TIAM2: variants seen among roughly 807,000 people sequenced by gnomAD.
TIAM2 encodes TIAM Rac1 associated GEF 2.
A neutral mutation model predicts 152.9 loss-of-function variants in TIAM2; 80 were observed. The ratio of observed to expected loss-of-function variants is 0.52; its 90% CI spans 0.44 to 0.63. TIAM2 has a LOEUF of 0.63. Among genes scored for constraint, TIAM2 ranks in the 30% least tolerant of loss-of-function variants. TIAM2 has a pLI of 0.00. For synonymous variants in TIAM2, 804 were observed against 838.0 expected (o/e 0.96, Z 0.70); for missense variants, 1,965 against 2,120.1 (o/e 0.93, Z 1.44).
intron 7 of TIAM2, among the ~76,000 whole-genome samples, chr6:155,153,190 C>A (rs1274074835): frequency 6.6e-6 from 1 of 152,080 alleles, no homozygotes; most frequent in African/African-American, 2.4e-5. Context: ...GGCCCTAACC[C>A]CTTCCTGTGT....
chr6:155,176,775 A>G (rs778412839), intron 9 of TIAM2, 41 bp from the exon 10 acceptor site: 4 of 1,598,144 alleles, frequency 2.5e-6, no homozygotes, highest in East Asian at 2.2e-5. Context: ...TTCATTTGTT[A>G]ATCAAATTTG....
At chr6:155,046,916 C>T (rs75034396) in intron 1 of TIAM2, among the ~76,000 whole-genome samples, 2,914 of 152,094 alleles carry the variant, frequency 0.019, 94 homozygotes, top group African/African-American at 0.067. Context: ...AGATGCAGGT[C>T]GGAATTGGAG....
intron 20 of TIAM2, among the ~76,000 whole-genome samples, 173 bp downstream of exon 20, chr6:155,248,352 AGGCGTCTG>A (rs1408359858): frequency 6.6e-6 from 1 of 152,238 alleles, no homozygotes; most frequent in Non-Finnish European, 1.5e-5. Context: ...GAAACTAGCT[AGGCGTCTG>A]GGCACTCCTT....
intron 14 of TIAM2, among the ~76,000 whole-genome samples, chr6:155,209,114 C>T (rs367769261): frequency 6.6e-6 from 1 of 151,936 alleles, no homozygotes; most frequent in Non-Finnish European, 1.5e-5. Flanking sequence ...CTGAGTGTCC[C>T]CACTCAGCAG....
chr6:155,016,770 T>C (rs1466964910), intron 1 of TIAM2, among the ~76,000 whole-genome samples: 2 of 130,610 alleles, frequency 1.5e-5, no homozygotes. Context: ...TGTGGTGATG[T>C]GTGCCTGTAA....
intron 19 of TIAM2, among the ~76,000 whole-genome samples, chr6:155,247,637 G>A (rs1292390910): frequency 1.3e-5 from 2 of 152,218 alleles, no homozygotes; most frequent in East Asian, 3.9e-4. Flanking sequence ...CACGCTTCAT[G>A]GCTTTTAATG....
chr6:155,228,402 A>G (rs1782321988), intron 15 of TIAM2, among the ~76,000 whole-genome samples: 2 of 152,196 alleles, frequency 1.3e-5, no homozygotes, highest in Non-Finnish European at 2.9e-5. Flanking sequence ...ATGAATATAT[A>G]AAAAGAAAAA....
At chr6:155,054,670 C>A (rs1182915557) in intron 1 of TIAM2, among the ~76,000 whole-genome samples, 1 of 151,836 alleles carries the variant, frequency 6.6e-6, no homozygotes, top group African/African-American at 2.4e-5. Context: ...AACCTCCCGC[C>A]CCCTGGGTTC....
intron 7 of TIAM2, among the ~76,000 whole-genome samples, chr6:155,150,838 T>C (rs1369701212): frequency 2.0e-5 from 3 of 152,122 alleles, no homozygotes; most frequent in Non-Finnish European, 2.9e-5. Context: ...TCCATCCTAT[T>C]CACGAGGGCT....
At chr6:155,223,775 C>T (rs1351299271) in intron 15 of TIAM2, among the ~76,000 whole-genome samples, 2 of 152,038 alleles carry the variant, frequency 1.3e-5, no homozygotes, top group Non-Finnish European at 2.9e-5. Flanking sequence ...TTATGCTCAG[C>T]GTAAGGGACG....
intron 10 of TIAM2, among the ~76,000 whole-genome samples, chr6:155,177,408 A>G (rs982666355): frequency 6.6e-6 from 1 of 152,334 alleles, no homozygotes; most frequent in African/African-American, 2.4e-5. Flanking sequence ...CAGTTGCTTT[A>G]TGGAGATTAA....
intron 1 of TIAM2, among the ~76,000 whole-genome samples, chr6:155,009,175 C>T (rs1778446726): frequency 6.8e-6 from 1 of 146,288 alleles, no homozygotes; most frequent in African/African-American, 2.6e-5. Flanking sequence ...AATCTTGGCT[C>T]ACTGCAGCCT....
At chr6:155,222,593 T>C in intron 15 of TIAM2, among the ~76,000 whole-genome samples, 1 of 78,420 alleles carries the variant, frequency 1.3e-5, no homozygotes, top group African/African-American at 6.6e-5. Flanking sequence ...AGAGCAAGAC[T>C]CTGTTTCAAA....
chr6:155,108,512 A>G (rs1198177448), intron 2 of TIAM2, among the ~76,000 whole-genome samples: 1 of 152,206 alleles, frequency 6.6e-6, no homozygotes, highest in African/African-American at 2.4e-5. Flanking sequence ...GAAGAACTTA[A>G]TGACTCAAAT....
At chr6:155,232,199 G>T (rs17086075) in intron 15 of TIAM2, among the ~76,000 whole-genome samples, 8,770 of 152,084 alleles carry the variant, frequency 0.058, 845 homozygotes, top group African/African-American at 0.2. Flanking sequence ...AGATCTTTCT[G>T]TAAGTTAGAC....
intron 14 of TIAM2, among the ~76,000 whole-genome samples, chr6:155,206,335 C>T (rs1014332323): frequency 1.3e-5 from 2 of 152,190 alleles, no homozygotes; most frequent in Admixed American, 1.3e-4. Flanking sequence ...GCAACCTCCA[C>T]CTCCCGGGTT....
intron 1 of TIAM2, among the ~76,000 whole-genome samples, chr6:155,036,748 G>A (rs1776931583): frequency 6.6e-6 from 1 of 151,694 alleles, no homozygotes; most frequent in Non-Finnish European, 1.5e-5. Flanking sequence ...CTCCTGAGCA[G>A]CTGGGATTAC....
chr6:155,013,375 T>C (rs1778520471), intron 1 of TIAM2, among the ~76,000 whole-genome samples: 1 of 152,144 alleles, frequency 6.6e-6, no homozygotes, highest in Admixed American at 6.6e-5. Flanking sequence ...ACTCGAAATT[T>C]GGGAGACGGC....
At chr6:155,168,868 T>C in intron 9 of TIAM2, 2 of 1,535,768 alleles carry the variant, frequency 1.3e-6, no homozygotes, top group Middle Eastern at 1.7e-4. Context: ...GTGGCAGCCA[T>C]GGATTTTCTG....
Sources: gnomAD v4.1 joint callset for allele counts (sites outside exome capture counted in the v4.1 genomes callset) on GRCh38, gnomAD v4.1.1 for gene constraint, MANE v1.5 for transcripts, NCBI Gene and HGNC (gene_info 2026-07-23, HGNC 2026-07-21) for gene names.